TBCD: variants seen among roughly 807,000 people sequenced by gnomAD.
TBCD encodes tubulin folding cofactor D.
Under a neutral mutation model 169.3 loss-of-function variants are expected in TBCD, and 105 were observed. The ratio of observed to expected loss-of-function variants is 0.62; its 90% CI spans 0.53 to 0.73. The LOEUF is 0.73. Among genes scored for constraint, TBCD ranks in the 30% least tolerant of loss-of-function variants. The probability of loss-of-function intolerance (pLI) is 0.00; values close to 1 mark genes in which losing one functional copy is unlikely to be tolerated. For missense variants in TBCD, 1,444 were observed against 1,600.1 expected (o/e 0.90, Z 1.66); for synonymous variants, 700 against 643.9 (o/e 1.09, Z -1.32).
intron 13 of TBCD, among the ~76,000 whole-genome samples, chr17:82,858,902 G>T (rs2056531497): frequency 6.6e-6 from 1 of 152,232 alleles, no homozygotes; most frequent in Middle Eastern, 3.2e-3. Flanking sequence ...ACTGCTGTCA[G>T]TGGCGCTTCC....
intron 11 of TBCD, 76 bp from the exon 12 acceptor site, chr17:82,809,632 C>T: frequency 1.4e-6 from 2 of 1,461,850 alleles, no homozygotes; most frequent in Non-Finnish European, 1.9e-6. Context: ...GGTGTTCAGG[C>T]CATTCACACG....
intron 13 of TBCD, among the ~76,000 whole-genome samples, chr17:82,822,548 CCAGATCCTAGAGGGG>C (rs2052501408): frequency 6.6e-6 from 1 of 152,196 alleles, no homozygotes; most frequent in South Asian, 2.1e-4. Flanking sequence ...CGCCTGGGGG[CCAGATCCTAGAGGGG>C]CTTCAGGAAC....
intron 3 of TBCD, among the ~76,000 whole-genome samples, chr17:82,764,853 CTG>C (rs58458929): frequency 5.5e-3 from 4 of 730 alleles, no homozygotes; most frequent in African/African-American, 0.018. Context: ...TTGCGGGTGT[CTG>C]TGCTCATAGT....
chr17:82,796,161 C>G (rs557798088), intron 7 of TBCD: 3 of 152,254 alleles, frequency 2.0e-5, no homozygotes, highest in Admixed American at 6.5e-5. Flanking sequence ...AGCCCACCTC[C>G]CAGGGAATTT....
chr17:82,852,481 C>T (rs1472142590), intron 13 of TBCD, among the ~76,000 whole-genome samples: 1 of 152,152 alleles, frequency 6.6e-6, no homozygotes, highest in South Asian at 2.1e-4. Flanking sequence ...CGGCAGCAGG[C>T]TCGGTTTCTT....
At chr17:82,777,803 C>T (rs1287403576) in intron 6 of TBCD, among the ~76,000 whole-genome samples, 7 of 151,952 alleles carry the variant, frequency 4.6e-5, no homozygotes, top group Non-Finnish European at 8.8e-5. Context: ...TCAGGCCCTC[C>T]ACAGGAGGTG....
At chr17:82,850,121 G>GCCTGT in intron 13 of TBCD, among the ~76,000 whole-genome samples, 1 of 85,384 alleles carries the variant, frequency 1.2e-5, no homozygotes, top group East Asian at 3.9e-4. Flanking sequence ...TGCTGCTGTT[G>GCCTGT]GCTGTGTTGT....
At chr17:82,791,456 G>A (rs1001315935) in intron 7 of TBCD, among the ~76,000 whole-genome samples, 12 of 152,140 alleles carry the variant, frequency 7.9e-5, no homozygotes, top group Non-Finnish European at 2.9e-5. Flanking sequence ...AGCTTTTGCT[G>A]GGCCTTGGAA....
In TBCD at chr17:82,831,248, G is replaced by A. The variant is rs777129982; in HGVS notation, c.1318+16314G>A. On this transcript the variant is annotated intron_variant, in intron 13 of 38. Transcript: ENST00000355528. The surrounding 1 kb of genome is among the most constrained non-coding windows in gnomAD (Gnocchi z 4.6). Reference sequence around the variant, plus strand: ...GAGCCCGTGGCTGCACTCCCTGCGCGGGGGCTCATTTTGGACCCTTCCGTG... The same window carrying A: ...GAGCCCGTGGCTGCACTCCCTGCGCAGGGGCTCATTTTGGACCCTTCCGTG... The A allele has an allele frequency of 3.1e-6, 5 of 1,613,702 alleles. No individual in the cohort carries two copies. The highest frequency in any genetic ancestry group is 3.4e-6 in the Non-Finnish European group (4 of 1,180,044).
chr17:82,864,098 T>A lies in TBCD; in HGVS notation c.1319-6126T>A, dbSNP rs1216221353. ...CTTACCAGTGAAGGGAGCTGCCTGC[T>A]GTTGACGCTCCACAGGAGGTTTGCG... On this transcript the variant is annotated intron_variant, in intron 13 of 38. Transcript: ENST00000355528. The surrounding 1 kb of genome is among the most constrained non-coding windows in gnomAD (Gnocchi z 6.3). Among the ~76,000 whole-genome samples the A allele has an allele frequency of 6.6e-6, 1 of 152,256 alleles. No homozygotes were observed. The highest frequency in any genetic ancestry group is 1.5e-5 in the Non-Finnish European group (1 of 68,046).
chr17:82,897,901 C>T (rs1278014494), intron 17 of TBCD, among the ~76,000 whole-genome samples: 16 of 151,214 alleles, frequency 1.1e-4, no homozygotes, highest in Admixed American at 1.1e-3. Context: ...TCTGTTCTCC[C>T]CGGCTGGTTT....
rs148969250 is a variant in TBCD at position 82,832,156 on chromosome 17, G to A, written c.1318+17222G>A. 3.7e-6 allele frequency: 6 copies of A among 1,614,102 alleles called. No individual in the cohort carries two copies. The highest frequency in any genetic ancestry group is 2.7e-5 in the African/African-American group (2 of 74,926). On this transcript the variant is annotated intron_variant, in intron 13 of 38. Transcript: ENST00000355528. The surrounding 1 kb of genome is among the most constrained non-coding windows in gnomAD (Gnocchi z 4.9). ...CCTGGCAGAGCTGTGCTGAAGCTTC[G>A]AGTCGAAGGCAGAGAGTCCATTTGC...
intron 35 of TBCD, 143 bp from the exon 36 acceptor site, chr17:82,937,906 C>A: frequency 6.5e-7 from 1 of 1,531,416 alleles, no homozygotes; most frequent in South Asian, 1.2e-5. Context: ...CACACACACA[C>A]CTCCGGCTTG....
At position 82,758,400 on chromosome 17, in the gene TBCD, A is replaced by AAAAAAAAAAAT. The variant is rs1035939621; in HGVS notation, c.235+2188_235+2189insAAAAAAATAAA. Among the ~76,000 whole-genome samples, 268 of 99,888 alleles carry AAAAAAAAAAAT rather than the reference A, an allele frequency of 2.7e-3. 2 individuals carry two copies. The highest frequency in any genetic ancestry group is 7.6e-3 in the Admixed American group (54 of 7,146). 65.5% of individuals were successfully genotyped at this position (99,888 alleles called of 152,430 possible). On this transcript the variant is annotated intron_variant, in intron 2 of 38. Coordinates refer to ENST00000355528, the MANE Select transcript of TBCD (RefSeq NM_005993.5). ...AACGTCTCGGAAAAAAAAAAAAAAA[A>AAAAAAAAAAAT]AAATAAATAAATAAATAAATTTTTT...
At chr17:82,792,972 G>A (rs933620675) in intron 7 of TBCD, among the ~76,000 whole-genome samples, 1 of 151,940 alleles carries the variant, frequency 6.6e-6, no homozygotes, top group African/African-American at 2.4e-5. Context: ...CATGTTGTCC[G>A]GGCTGGTCTG....
intron 22 of TBCD, among the ~76,000 whole-genome samples, chr17:82,911,300 T>TGCACCAGGGTCCCGCTGTCA (rs1445270124): frequency 3.3e-5 from 5 of 151,894 alleles, no homozygotes; most frequent in African/African-American, 1.2e-4. Flanking sequence ...CCTGCCCTTG[T>TGCACCAGGGTCCCGCTGTCA]GCACCAGGGT....
Position 82,782,076 on chromosome 17 carries a change from A to C in TBCD, c.771+355A>C, listed in dbSNP as rs4789841. On this transcript the variant is annotated intron_variant, in intron 7 of 38. Transcript: ENST00000355528. This position sits in a 1 kb window ranked among gnomAD's most constrained non-coding sequence, Gnocchi z 5.1. Reference sequence around the variant, plus strand: ...GAGCTCTAATAAAACAAGGTGGGTGAGTTGAAATTTGATTCTGTTCCTTTG... The same window carrying C: ...GAGCTCTAATAAAACAAGGTGGGTGCGTTGAAATTTGATTCTGTTCCTTTG... 7.2e-5 allele frequency among the ~76,000 whole-genome samples: 11 copies of C among 152,168 alleles called. No individual in the cohort carries two copies. The highest frequency in any genetic ancestry group is 2.4e-4 in the African/African-American group (10 of 41,438).
chr17:82,871,771 G>A (rs1030504976), intron 14 of TBCD, among the ~76,000 whole-genome samples: 7 of 152,240 alleles, frequency 4.6e-5, no homozygotes, highest in African/African-American at 1.4e-4. Flanking sequence ...GGCATGTGGC[G>A]GGGCCAGCGT....
At chr17:82,830,401 A>G in intron 13 of TBCD, 1 of 1,611,934 alleles carries the variant, frequency 6.2e-7, no homozygotes, top group Non-Finnish European at 8.5e-7. Context: ...CAGCTGGCAC[A>G]GGGCCACGGC....
Sources: gnomAD v4.1 joint callset for allele counts (sites outside exome capture counted in the v4.1 genomes callset) on GRCh38, gnomAD v4.1.1 for gene constraint, Gnocchi (gnomAD v3.1) non-coding constraint, MANE v1.5 for transcripts, NCBI Gene and HGNC (gene_info 2026-07-23, HGNC 2026-07-21) for gene names.